Variants in HTRA3 observed in about 807,000 individuals in gnomAD.
The protein encoded by HTRA3 is serine protease HTRA3.
Under a neutral mutation model 43.2 loss-of-function variants are expected in HTRA3, and 41 were observed. The observed-to-expected ratio is 0.95, with a 90% CI of 0.74 to 1.23. The LOEUF is 1.23. Ranked by LOEUF, HTRA3 falls within the 50% of genes most tolerant of loss-of-function variation. HTRA3 has a pLI of 0.00. For synonymous variants in HTRA3, 295 were observed against 287.9 expected (o/e 1.02, Z -0.25); for missense variants, 628 against 647.1 (o/e 0.97, Z 0.32).
At position 8,296,930 on chromosome 4, in the gene HTRA3, G is replaced by T. The variant is rs1713477243; in HGVS notation, c.1051+2729G>T. On this transcript the variant is annotated intron_variant, in intron 6 of 8. Coordinates refer to ENST00000307358, the MANE Select transcript of HTRA3 (RefSeq NM_053044.5). The surrounding 1 kb of genome is among the most constrained non-coding windows in gnomAD (Gnocchi z 5.3). Reference sequence around the variant, plus strand: ...GATCTCTGACATCACAGGATTCCTCGATCTCAGAGGCCACAGGGTTCCTTA... The same window carrying T: ...GATCTCTGACATCACAGGATTCCTCTATCTCAGAGGCCACAGGGTTCCTTA... 1.3e-5 allele frequency among the ~76,000 whole-genome samples: 2 copies of T among 152,070 alleles called. No homozygotes were observed. Among genetic ancestry groups the T allele is most frequent in the Admixed American group, 1.3e-4 (2 of 15,272 alleles).
chr4:8,300,602 T>C lies in HTRA3; in HGVS notation c.1052-1861T>C, dbSNP rs368300541. On this transcript the variant is annotated intron_variant, in intron 6 of 8. Transcript: ENST00000307358. Reference sequence around the variant, plus strand: ...TCACCTCTGTAATTTGTGATGTTGATAACTGTGTCTTTTTGTCATGATCGA... The same window carrying C: ...TCACCTCTGTAATTTGTGATGTTGACAACTGTGTCTTTTTGTCATGATCGA... 1.2e-4 allele frequency among the ~76,000 whole-genome samples: 19 copies of C among 152,332 alleles called. No individual in the cohort carries two copies. The East Asian group carries it at 3.3e-3, about 26-fold the overall frequency.
chr4:8,281,274 T>C (rs930736486), intron 1 of HTRA3, among the ~76,000 whole-genome samples: 1 of 152,154 alleles, frequency 6.6e-6, no homozygotes, highest in Non-Finnish European at 1.5e-5. Context: ...TCGGTCCCCA[T>C]GCCCGGCCAC....
chr4:8,303,757 A>G (rs529835823), intron 7 of HTRA3, among the ~76,000 whole-genome samples: 7 of 151,774 alleles, frequency 4.6e-5, no homozygotes, highest in Non-Finnish European at 7.4e-5. Context: ...TGTTCATTCC[A>G]TGACTCAGCA....
At chr4:8,278,821 A>T (rs1206772229) in intron 1 of HTRA3, among the ~76,000 whole-genome samples, 1 of 152,200 alleles carries the variant, frequency 6.6e-6, no homozygotes, top group Non-Finnish European at 1.5e-5. Flanking sequence ...CTGGGCCATA[A>T]AATGGGCGAG....
chr4:8,271,345 G>T (rs573002051), intron 1 of HTRA3, among the ~76,000 whole-genome samples: 1 of 152,314 alleles, frequency 6.6e-6, no homozygotes, highest in East Asian at 1.9e-4. Flanking sequence ...CAGAGGTTCT[G>T]AGAAAACCTG....
chr4:8,306,334 G>C lies in HTRA3; in HGVS notation c.*198G>C. On this transcript the variant is annotated 3_prime_UTR_variant, in exon 9 of 9. Coordinates refer to ENST00000307358, the MANE Select transcript of HTRA3 (RefSeq NM_053044.5). This position sits in a 1 kb window ranked among gnomAD's most constrained non-coding sequence, Gnocchi z 8.9. ...GGGAGTGTTGGATCCACATCCCGGTGCCGGGGAGGGAAGCCCAACATCCCC... is the reference window on the plus strand; with the variant it reads ...GGGAGTGTTGGATCCACATCCCGGTCCCGGGGAGGGAAGCCCAACATCCCC... 1 of 563,846 alleles carries C rather than the reference G, an allele frequency of 1.8e-6. No individual in the cohort carries two copies. Among genetic ancestry groups the C allele is most frequent in the Non-Finnish European group, 3.1e-6 (1 of 325,378 alleles). 34.9% of individuals were successfully genotyped at this position (563,846 alleles called of 1,614,324 possible). A position where few individuals can be genotyped will look rare whatever the true frequency, so the allele number is the denominator to read the frequency against.
rs755549212 is a variant in HTRA3, at chr4:8,270,098, G to C, written c.130G>C (p.Val44Leu). ...CAGCCCCCGCTGCCCCGGCGGCTAC[G>C]TGCCCGACCTCTGCAACTGCTGCCT... is the stretch of plus-strand genomic sequence containing the variant. ...CPSPRCPGGY[V>L]PDLCNCCLVC... Residue 44 changes from valine to leucine, a missense_variant, in exon 1 of 9, where the codon GTG (valine) becomes CTG (leucine). Coordinates refer to ENST00000307358, the MANE Select transcript of HTRA3 (RefSeq NM_053044.5). 3.3e-6 allele frequency: 5 copies of C among 1,536,278 alleles called. No homozygotes were observed. Among genetic ancestry groups the C allele is most frequent in the South Asian group, 1.2e-5 (1 of 84,632 alleles).
At chr4:8,302,350 A>G (rs1169394407) in intron 6 of HTRA3, 113 bp from the exon 7 acceptor site, 1 of 953,692 alleles carries the variant, frequency 1.0e-6, no homozygotes, top group East Asian at 2.4e-5. Flanking sequence ...GCAGAATGAC[A>G]CCTGCTGCTT....
At chr4:8,287,335 C>G (rs1713031207) in intron 3 of HTRA3, among the ~76,000 whole-genome samples, 1 of 152,230 alleles carries the variant, frequency 6.6e-6, no homozygotes, top group Admixed American at 6.5e-5. Context: ...TCCTCTAATT[C>G]TCACCACAGG....
chr4:8,291,903 G>A (rs939559239), intron 4 of HTRA3, among the ~76,000 whole-genome samples: 11 of 152,192 alleles, frequency 7.2e-5, no homozygotes, highest in Non-Finnish European at 1.6e-4. Context: ...TTGGTGGCAC[G>A]TTTAGCATTC....
At chr4:8,272,456 C>T (rs990170743) in intron 1 of HTRA3, among the ~76,000 whole-genome samples, 4 of 152,208 alleles carry the variant, frequency 2.6e-5, no homozygotes, top group Non-Finnish European at 5.9e-5. Context: ...TCCCAGCGCA[C>T]CTCTTCCCGA....
rs1713464453 is a variant in HTRA3 at position 8,296,532 on chromosome 4, T to C, written c.1051+2331T>C. ...ATCTTTTTATTAAATCAAGGAGATG[T>C]TAAGTGCATTTATTATTCTCGTCTG... On this transcript the variant is annotated intron_variant, in intron 6 of 8. Coordinates refer to ENST00000307358, the MANE Select transcript of HTRA3 (RefSeq NM_053044.5). The surrounding 1 kb of genome is among the most constrained non-coding windows in gnomAD (Gnocchi z 5.3). 8 of 985,108 alleles carry C rather than the reference T, an allele frequency of 8.1e-6. No homozygotes were observed. The highest frequency in any genetic ancestry group is 8.4e-6 in the Non-Finnish European group (7 of 829,650). 61.0% of individuals were successfully genotyped at this position (985,108 alleles called of 1,614,324 possible).
intron 1 of HTRA3, among the ~76,000 whole-genome samples, chr4:8,271,333 A>G (rs1360759895): frequency 1.3e-5 from 2 of 152,212 alleles, no homozygotes; most frequent in African/African-American, 2.4e-5. Flanking sequence ...GGCTCAATCT[A>G]TCAGAGGTTC....
At position 8,299,841 on chromosome 4, in the gene HTRA3, C is replaced by CAT. The variant is rs1553821600; in HGVS notation, c.1052-2622_1052-2621insAT. On this transcript the variant is annotated intron_variant, in intron 6 of 8. Coordinates refer to ENST00000307358, the MANE Select transcript of HTRA3 (RefSeq NM_053044.5). The stretch of plus-strand genomic sequence containing the variant: ...TATCACTTATTTGTGATGTATTATC[C>CAT]TTTTTTTTTTTTTTTTGAGATGGAG... Among the ~76,000 whole-genome samples the CAT allele has an allele frequency of 7.4e-3, 1,044 of 140,686 alleles. 21 individuals carry two copies. Among genetic ancestry groups the CAT allele is most frequent in the African/African-American group, 0.021 (797 of 37,674 alleles). 92.3% of individuals were successfully genotyped at this position (140,686 alleles called of 152,430 possible).
chr4:8,288,177 A>C (rs4263384), intron 3 of HTRA3, among the ~76,000 whole-genome samples: 93,443 of 152,200 alleles, frequency 0.61, 29,397 homozygotes, highest in East Asian at 0.83. Flanking sequence ...TGCTTTTCAG[A>C]CTTTTCACGG....
At chr4:8,281,220 G>A (rs1712730164) in intron 1 of HTRA3, among the ~76,000 whole-genome samples, 1 of 152,228 alleles carries the variant, frequency 6.6e-6, no homozygotes, top group South Asian at 2.1e-4. Flanking sequence ...CATCCACCAT[G>A]GTACCTTCGT....
intron 3 of HTRA3, among the ~76,000 whole-genome samples, chr4:8,290,597 G>C (rs183343938): frequency 1.3e-5 from 2 of 152,360 alleles, no homozygotes; most frequent in Admixed American, 1.3e-4. Context: ...TACGAGCACA[G>C]AACCGCCTTC....
intron 1 of HTRA3, among the ~76,000 whole-genome samples, chr4:8,272,005 T>C (rs1463093009): frequency 1.3e-5 from 2 of 152,184 alleles, no homozygotes; most frequent in Non-Finnish European, 2.9e-5. Context: ...TGCTGCACTG[T>C]CACAGTGGCA....
intron 3 of HTRA3, among the ~76,000 whole-genome samples, chr4:8,290,157 T>G (rs888956782): frequency 2.6e-5 from 4 of 152,384 alleles, no homozygotes; most frequent in Middle Eastern, 3.4e-3. Flanking sequence ...TGACTGAAGC[T>G]TCTTGAGCAC....
Sources: gnomAD v4.1 joint callset for allele counts (sites outside exome capture counted in the v4.1 genomes callset) on GRCh38, gnomAD v4.1.1 for gene constraint, Gnocchi (gnomAD v3.1) non-coding constraint, MANE v1.5 for transcripts, NCBI Gene and HGNC (gene_info 2026-07-23, HGNC 2026-07-21) for gene names.